Variants in ADAM10 observed in about 807,000 individuals in gnomAD.
The protein encoded by ADAM10 is disintegrin and metalloproteinase domain-containing protein 10.
A neutral mutation model predicts 90.1 loss-of-function variants in ADAM10; 17 were observed. The observed-to-expected ratio is 0.19, with a 90% CI of 0.13 to 0.28. ADAM10 has a LOEUF of 0.28. Among genes scored for constraint, ADAM10 ranks in the 10% least tolerant of loss-of-function variants. The pLI is 1.00. For missense variants in ADAM10, 610 were observed against 914.3 expected (o/e 0.67, Z 4.29); for synonymous variants, 310 against 298.6 (o/e 1.04, Z -0.40).
chr15:58,743,711 T>G (rs1250766346), intron 1 of ADAM10, among the ~76,000 whole-genome samples: 3 of 152,150 alleles, frequency 2.0e-5, no homozygotes, highest in Non-Finnish European at 2.9e-5. Flanking sequence ...TTCAAGCGAT[T>G]CTCCTGCCTC....
chr15:58,729,907 A>AGCCAAGACCGT (rs1899169485), intron 1 of ADAM10, among the ~76,000 whole-genome samples: 1 of 151,214 alleles, frequency 6.6e-6, no homozygotes, highest in Non-Finnish European at 1.5e-5. Context: ...GGCTGCGGCG[A>AGCCAAGACCGT]GCCAAGACCG....
At chr15:58,621,200 T>C (rs1387151079) in intron 11 of ADAM10, among the ~76,000 whole-genome samples, 1 of 142,756 alleles carries the variant, frequency 7.0e-6, no homozygotes, top group African/African-American at 2.7e-5. Context: ...GAGGTGGAAG[T>C]TGCAGTGAGC....
chr15:58,685,545 AATATATATATATATATATATATAT>A (rs56776777), intron 2 of ADAM10, among the ~76,000 whole-genome samples: 2 of 116,218 alleles, frequency 1.7e-5, no homozygotes, highest in South Asian at 2.9e-4. Flanking sequence ...TATGAAGGAG[AATATATATATATATATATATATAT>A]ATATATATAT....
At chr15:58,744,801 A>C (rs1348669867) in intron 1 of ADAM10, among the ~76,000 whole-genome samples, 1 of 152,084 alleles carries the variant, frequency 6.6e-6, no homozygotes, top group Non-Finnish European at 1.5e-5. Flanking sequence ...CTTAAAGCCA[A>C]GAGTTCAAGA....
chr15:58,689,208 G>A (rs1252349140), intron 2 of ADAM10, among the ~76,000 whole-genome samples: 1 of 152,118 alleles, frequency 6.6e-6, no homozygotes, highest in African/African-American at 2.4e-5. Context: ...CAAGCAGGCC[G>A]GGCGTGGTGG....
At position 58,679,199 on chromosome 15, in the gene ADAM10, C is replaced by G. The variant is rs200636336; in HGVS notation, c.409G>C (p.Val137Leu). Residue 137 changes from valine (V) to leucine (L), a missense_variant, in exon 4 of 16, where the codon GTT (valine) becomes CTT (leucine). Val to Leu is a conservative substitution (Grantham distance 32). Around this residue, in one of 4 missense-constraint regions of ADAM10, gnomAD observed 310 missense variants for 362.4 expected, o/e 0.86. Transcript: ENST00000260408. ...FIQTRGGTFY[V>L]EPAERYIKDR... ...TTAATATATCTCTCTGCTGGCTCAA[C>G]ATAAAATGTGCCACCACGAGTCTGG... 1 of 1,614,048 alleles carries G rather than the reference C, an allele frequency of 6.2e-7. No homozygotes were observed. Among genetic ancestry groups the G allele is most frequent in the East Asian group, 2.2e-5 (1 of 44,842 alleles).
intron 9 of ADAM10, among the ~76,000 whole-genome samples, chr15:58,628,810 A>G (rs1896021750): frequency 1.3e-5 from 2 of 152,178 alleles, no homozygotes; most frequent in Admixed American, 6.5e-5. Flanking sequence ...AAGAAAGAAA[A>G]AGACTGCCCA....
chr15:58,720,441 C>CG (rs2140820715), intron 1 of ADAM10, among the ~76,000 whole-genome samples: 1 of 150,858 alleles, frequency 6.6e-6, no homozygotes, highest in Admixed American at 6.6e-5. Flanking sequence ...CGCTCTGTCA[C>CG]CCAGACTGCA....
intron 2 of ADAM10, among the ~76,000 whole-genome samples, chr15:58,712,719 A>G (rs1567007987): frequency 6.6e-6 from 1 of 151,952 alleles, no homozygotes; most frequent in Non-Finnish European, 1.5e-5. Context: ...CCAGCTACTC[A>G]GGAGGCTGAG....
At position 58,593,145 on chromosome 15, in the gene ADAM10, T is replaced by C. The variant is rs1452144996; in HGVS notation, c.*4402A>G. 8.2e-6 allele frequency: 1 copy of C among 121,504 alleles called. No individual in the cohort carries two copies. The highest frequency in any genetic ancestry group is 3.0e-5 in the African/African-American group (1 of 33,080). 7.5% of individuals were successfully genotyped at this position (121,504 alleles called of 1,614,324 possible). A position where few individuals can be genotyped will look rare whatever the true frequency, so the allele number is the denominator to read the frequency against. On this transcript the variant is annotated 3_prime_UTR_variant, in exon 16 of 16. Coordinates refer to ENST00000260408, the MANE Select transcript of ADAM10 (RefSeq NM_001110.4). ...AAAAAAAGTAACAAAGGCCAGGTACTCAAATTTTTTTTTTTTTTTTTTTTT... is the reference window on the plus strand; with the variant it reads ...AAAAAAAGTAACAAAGGCCAGGTACCCAAATTTTTTTTTTTTTTTTTTTTT...
At chr15:58,698,290 T>A in intron 2 of ADAM10, 2 of 449,408 alleles carry the variant, frequency 4.5e-6, no homozygotes, top group Non-Finnish European at 8.9e-6. Flanking sequence ...CAAAGACAGA[T>A]ATCATAGGGC....
intron 2 of ADAM10, among the ~76,000 whole-genome samples, chr15:58,689,038 T>G (rs1461506486): frequency 1.3e-5 from 2 of 151,218 alleles, no homozygotes; most frequent in Non-Finnish European, 2.9e-5. Flanking sequence ...AACACAAGTC[T>G]AAGTAACTCA....
Position 58,749,614 on chromosome 15 carries a change from G to C in ADAM10, c.-80C>G. On this transcript the variant is annotated 5_prime_UTR_variant, in exon 1 of 16. Coordinates refer to ENST00000260408, the MANE Select transcript of ADAM10 (RefSeq NM_001110.4). ...CGATCCGGAGGGAGAAGCTGAAGGG[G>C]CTTGGTCCGGAGCCTCCACGGGAAG... 1 of 1,544,680 alleles carries C rather than the reference G, an allele frequency of 6.5e-7. No individual in the cohort carries two copies. Among genetic ancestry groups the C allele is most frequent in the South Asian group, 1.2e-5 (1 of 83,538 alleles).
At chr15:58,741,309 C>G (rs1205254141) in intron 1 of ADAM10, among the ~76,000 whole-genome samples, 1 of 150,558 alleles carries the variant, frequency 6.6e-6, no homozygotes, top group African/African-American at 2.4e-5. Context: ...AACTGAATAG[C>G]CTAATTCCAA....
chr15:58,708,313 A>C (rs1345195849), intron 2 of ADAM10, among the ~76,000 whole-genome samples: 3 of 152,086 alleles, frequency 2.0e-5, no homozygotes, highest in Non-Finnish European at 4.4e-5. Flanking sequence ...TAGGATATAT[A>C]AGGGAGCCCC....
chr15:58,706,625 A>G (rs1387456698), intron 2 of ADAM10, among the ~76,000 whole-genome samples: 1 of 152,122 alleles, frequency 6.6e-6, no homozygotes, highest in Non-Finnish European at 1.5e-5. Context: ...GAGGAGAGGA[A>G]CTGGAAGGGA....
At chr15:58,645,922 A>G (rs1896534587) in intron 6 of ADAM10, 133 bp downstream of exon 6, 2 of 932,320 alleles carry the variant, frequency 2.1e-6, no homozygotes, top group African/African-American at 3.3e-5. Flanking sequence ...TATCTTACAC[A>G]TTTTATCACA....
intron 1 of ADAM10, among the ~76,000 whole-genome samples, chr15:58,734,110 A>G (rs1346963061): frequency 6.6e-6 from 1 of 152,130 alleles, no homozygotes; most frequent in African/African-American, 2.4e-5. Context: ...AAAGTATCCT[A>G]ATTTCTTAAA....
chr15:58,723,796 A>C (rs894382044), intron 1 of ADAM10, among the ~76,000 whole-genome samples: 1 of 152,218 alleles, frequency 6.6e-6, no homozygotes, highest in Non-Finnish European at 1.5e-5. Flanking sequence ...CCATGAACAT[A>C]ACATTGTAAA....
Sources: allele counts gnomAD v4.1 joint callset (sites outside exome capture counted in the v4.1 genomes callset), GRCh38; gene constraint gnomAD v4.1.1; regional missense constraint gnomAD v4.1.1; transcripts MANE v1.5; gene names NCBI Gene and HGNC (gene_info 2026-07-23, HGNC 2026-07-21).